Variants in KLHL20 observed in about 807,000 individuals in gnomAD.
The protein encoded by KLHL20 is kelch-like protein 20.
KLHL20 carries 29 observed loss-of-function variants against 69.5 expected under a neutral mutation model. The ratio of observed to expected loss-of-function variants is 0.42; its 90% CI spans 0.31 to 0.57. KLHL20 has a LOEUF of 0.57. Among genes scored for constraint, KLHL20 ranks in the 20% least tolerant of loss-of-function variants. The pLI, the probability that KLHL20 is intolerant of heterozygous loss-of-function variation, is 0.18. For synonymous variants in KLHL20, 253 were observed against 265.2 expected (o/e 0.95, Z 0.45); for missense variants, 419 against 776.0 (o/e 0.54, Z 5.47).
At position 173,756,066 on chromosome 1, in the gene KLHL20, A is replaced by G. The variant is rs202124306; in HGVS notation, c.967+28A>G. The G allele has an allele frequency of 2.5e-5, 37 of 1,483,876 alleles. No individual in the cohort carries two copies. In the African/African-American group the frequency reaches 4.9e-4, roughly 20 times the overall value. The allele number at this position is 1,483,876 out of a possible 1,614,324, so 91.9% of individuals were successfully genotyped here. On this transcript the variant is annotated intron_variant, in intron 6 of 11. Coordinates refer to ENST00000209884, the MANE Select transcript of KLHL20 (RefSeq NM_014458.4). ...TTGGATCTTAATATACTGTTAGTAA[A>G]TTGAGTATTTTCCCAGGTGAGAAAC...
At chr1:173,780,682 T>C (rs1041859517) in intron 10 of KLHL20, among the ~76,000 whole-genome samples, 1 of 152,010 alleles carries the variant, frequency 6.6e-6, no homozygotes, top group Admixed American at 6.6e-5. Flanking sequence ...GAAGCTGAGG[T>C]GGGAGGATCA....
At position 173,782,242 on chromosome 1, in the gene KLHL20, G is replaced by A; in HGVS notation, c.1745+12G>A. ...GCCAATACATGGAGGTAACTTTTAAGCTGTGTAGCAAATCACCTCACTACT... is the reference window on the plus strand; with the variant it reads ...GCCAATACATGGAGGTAACTTTTAAACTGTGTAGCAAATCACCTCACTACT... On this transcript the variant is annotated intron_variant, in intron 11 of 11. Coordinates refer to ENST00000209884, the MANE Select transcript of KLHL20 (RefSeq NM_014458.4). The A allele has an allele frequency of 6.3e-7, 1 of 1,590,526 alleles. No homozygotes were observed. The highest frequency in any genetic ancestry group is 8.6e-7 in the Non-Finnish European group (1 of 1,158,608).
Position 173,733,730 on chromosome 1 carries a change from C to T in KLHL20, c.41C>T (p.Pro14Leu). 1 of 1,613,232 alleles carries T rather than the reference C, an allele frequency of 6.2e-7. No homozygotes were observed. The highest frequency in any genetic ancestry group is 8.5e-7 in the Non-Finnish European group (1 of 1,179,520). ...TCCTATAGGTGTACCAACATTCGAC[C>T]AGGAGAGACTGGAATGGATGTAACA... ...KPMRRCTNIR[P>L]GETGMDVTSR... Residue 14 changes from proline (P) to leucine (L), a missense_variant, in exon 3 of 12, where the codon CCA (proline) becomes CTA (leucine). Pro to Leu is a moderately conservative substitution (Grantham distance 98). This residue lies in a region of KLHL20 where 129 missense variants were observed against 183.6 expected (regional missense o/e 0.70). Coordinates refer to ENST00000209884, the MANE Select transcript of KLHL20 (RefSeq NM_014458.4).
intron 7 of KLHL20, among the ~76,000 whole-genome samples, chr1:173,764,427 A>T (rs1025312399): frequency 3.1e-5 from 4 of 129,018 alleles, no homozygotes; most frequent in Non-Finnish European, 5.9e-5. Flanking sequence ...TTGTACACAC[A>T]TGTTTCTAGC....
intron 7 of KLHL20, among the ~76,000 whole-genome samples, chr1:173,761,825 G>A (rs1383504943): frequency 6.6e-6 from 1 of 151,984 alleles, no homozygotes; most frequent in Non-Finnish European, 1.5e-5. Flanking sequence ...AGGAACTAGG[G>A]AAACAAGAAC....
chr1:173,718,920 C>T (rs1051533960), intron 2 of KLHL20, among the ~76,000 whole-genome samples: 10 of 150,676 alleles, frequency 6.6e-5, no homozygotes, highest in Admixed American at 2.6e-4. Flanking sequence ...TTGGCTAACA[C>T]GGTGAAACCC....
intron 7 of KLHL20, among the ~76,000 whole-genome samples, chr1:173,760,777 A>G (rs1647235922): frequency 1.3e-5 from 2 of 152,208 alleles, no homozygotes; most frequent in South Asian, 4.1e-4. Context: ...TAAAGCATAA[A>G]TCACACAGTA....
intron 2 of KLHL20, among the ~76,000 whole-genome samples, chr1:173,726,987 T>C (rs564353121): frequency 6.6e-6 from 1 of 152,070 alleles, no homozygotes; most frequent in Non-Finnish European, 1.5e-5. Flanking sequence ...GGCAAAGAAG[T>C]TAAAAACCTT....
Position 173,753,301 on chromosome 1 carries a change from A to G in KLHL20, c.845A>G (p.Glu282Gly). ...GATCCCCTCATCAAAAGTGATGAAGAATGCAGGTATGAGTGACCCTGGATG... is the reference window on the plus strand; with the variant it reads ...GATCCCCTCATCAAAAGTGATGAAGGATGCAGGTATGAGTGACCCTGGATG... ...GSDPLIKSDE[E>G]CRDLVDEAKN... The change falls in exon 5 of 12, where the codon GAA (glutamate) becomes GGA (glycine). Residue 282 changes from glutamate to glycine, a missense_variant. Transcript: ENST00000209884. The G allele has an allele frequency of 6.2e-7, 1 of 1,612,194 alleles. No individual in the cohort carries two copies. Among genetic ancestry groups the G allele is most frequent in the Non-Finnish European group, 8.5e-7 (1 of 1,178,274 alleles).
At chr1:173,723,613 G>C (rs1671815465) in intron 2 of KLHL20, among the ~76,000 whole-genome samples, 1 of 152,152 alleles carries the variant, frequency 6.6e-6, no homozygotes, top group African/African-American at 2.4e-5. Context: ...CAGACTGATA[G>C]GGATGCTGTC....
rs187340819 is a variant in KLHL20 at position 173,731,633 on chromosome 1, C to T, written c.24-2080C>T. Among the ~76,000 whole-genome samples, 5 of 148,972 alleles carry T rather than the reference C, an allele frequency of 3.4e-5. No individual in the cohort carries two copies. The East Asian group carries it at 1.0e-3, about 30-fold the overall frequency. ...ATCACAAGGACAAAAAACCAAACAC[C>T]ACATGTTCTCACTTATAGGTGGGAA... On this transcript the variant is annotated intron_variant, in intron 2 of 11. Transcript: ENST00000209884.
chr1:173,747,582 G>A (rs2102492797), intron 3 of KLHL20, among the ~76,000 whole-genome samples: 1 of 152,026 alleles, frequency 6.6e-6, no homozygotes, highest in African/African-American at 2.4e-5. Context: ...ACTGAGTTTT[G>A]CTTTATGAGC....
At chr1:173,737,997 T>C (rs1672616810) in intron 3 of KLHL20, among the ~76,000 whole-genome samples, 1 of 152,070 alleles carries the variant, frequency 6.6e-6, no homozygotes, top group Non-Finnish European at 1.5e-5. Context: ...GGTTCTTGAT[T>C]TGATTCTCAG....
intron 2 of KLHL20, among the ~76,000 whole-genome samples, chr1:173,727,363 A>C (rs1672026634): frequency 6.6e-6 from 1 of 152,364 alleles, no homozygotes; most frequent in East Asian, 1.9e-4. Context: ...CAATCGAGCA[A>C]GGCAGACCAA....
chr1:173,736,578 C>T (rs1024923006), intron 3 of KLHL20, among the ~76,000 whole-genome samples: 27 of 151,874 alleles, frequency 1.8e-4, no homozygotes, highest in African/African-American at 6.5e-4. Flanking sequence ...CTTTTCACCA[C>T]ATCCATGCCA....
At chr1:173,718,967 C>A (rs1015811251) in intron 2 of KLHL20, among the ~76,000 whole-genome samples, 1 of 151,660 alleles carries the variant, frequency 6.6e-6, no homozygotes, top group Non-Finnish European at 1.5e-5. Context: ...TAGCCGGGTG[C>A]GGTGGCGGGC....
At chr1:173,720,981 T>A (rs985408287) in intron 2 of KLHL20, among the ~76,000 whole-genome samples, 7 of 149,934 alleles carry the variant, frequency 4.7e-5, no homozygotes, top group South Asian at 2.1e-4. Context: ...AAAAAAAAAA[T>A]GTGAGTCATC....
At chr1:173,754,489 C>T (rs1673449043) in intron 5 of KLHL20, among the ~76,000 whole-genome samples, 2 of 149,742 alleles carry the variant, frequency 1.3e-5, no homozygotes, top group African/African-American at 2.5e-5. Flanking sequence ...GAGGCTGAGG[C>T]AGGAGAATTG....
intron 8 of KLHL20, among the ~76,000 whole-genome samples, chr1:173,770,210 A>G (rs1032045621): frequency 4.6e-5 from 7 of 152,238 alleles, no homozygotes; most frequent in Non-Finnish European, 8.8e-5. Flanking sequence ...GATAAAAGAC[A>G]TTAAGAAAAT....
Sources: gnomAD v4.1 joint callset for allele counts (sites outside exome capture counted in the v4.1 genomes callset) on GRCh38, gnomAD v4.1.1 for gene constraint, gnomAD v4.1.1 regional missense constraint, MANE v1.5 for transcripts, NCBI Gene and HGNC (gene_info 2026-07-23, HGNC 2026-07-21) for gene names.